RSRC1: variants seen among roughly 807,000 people sequenced by gnomAD.
RSRC1 encodes the protein serine/Arginine-related protein 53.
RSRC1 carries 39 observed loss-of-function variants against 49.1 expected under a neutral mutation model. That is an observed-to-expected ratio of 0.79 (90% confidence interval 0.61 to 1.04). RSRC1 has a LOEUF of 1.04. Ranked by LOEUF, RSRC1 falls within the 50% of genes least tolerant of loss-of-function variation. The pLI is 0.00. For synonymous variants in RSRC1, 143 were observed against 130.8 expected (o/e 1.09, Z -0.63); for missense variants, 388 against 402.4 (o/e 0.96, Z 0.31).
chr3:158,257,279 GTTC>G (rs1270860347), intron 4 of RSRC1, among the ~76,000 whole-genome samples: 1 of 151,886 alleles, frequency 6.6e-6, no homozygotes, highest in Non-Finnish European at 1.5e-5. Flanking sequence ...TGGTGTCTTT[GTTC>G]TTATTTGTTT....
chr3:158,197,496 C>T lies in RSRC1; in HGVS notation c.321-5576C>T, dbSNP rs548692960. ...TTTTGAAGGGATTTTTTGTCTCTAT[C>T]TCCTTCAGTTCTGCTCTGATGTTAG... On this transcript the variant is annotated intron_variant, in intron 3 of 9. Coordinates refer to ENST00000611884, the MANE Select transcript of RSRC1 (RefSeq NM_001271838.2). Among the ~76,000 whole-genome samples, 363 of 152,154 alleles carry T rather than the reference C, an allele frequency of 2.4e-3. 1 individual carries two copies. The highest frequency in any genetic ancestry group is 8.1e-3 in the African/African-American group (337 of 41,528).
chr3:158,119,206 G>C (rs916881421), intron 1 of RSRC1, among the ~76,000 whole-genome samples: 1 of 152,074 alleles, frequency 6.6e-6, no homozygotes. Flanking sequence ...CATTGTGCCT[G>C]CTCTGGTATC....
At chr3:158,127,971 T>C (rs1270301724) in intron 3 of RSRC1, among the ~76,000 whole-genome samples, 1 of 152,168 alleles carries the variant, frequency 6.6e-6, no homozygotes, top group African/African-American at 2.4e-5. Flanking sequence ...AAGCATGTAC[T>C]TCACTCTTCT....
At chr3:158,408,865 T>A (rs930240866) in intron 6 of RSRC1, among the ~76,000 whole-genome samples, 1 of 151,956 alleles carries the variant, frequency 6.6e-6, no homozygotes, top group Non-Finnish European at 1.5e-5. Flanking sequence ...GACCCCCGTC[T>A]CTACTAAAAA....
intron 7 of RSRC1, among the ~76,000 whole-genome samples, chr3:158,468,264 G>C (rs1379622117): frequency 1.3e-5 from 2 of 152,100 alleles, no homozygotes; most frequent in African/African-American, 4.8e-5. Context: ...TACATTTCAT[G>C]ATCTTTTTCA....
At chr3:158,231,054 A>T (rs1002720696) in intron 4 of RSRC1, among the ~76,000 whole-genome samples, 17 of 151,618 alleles carry the variant, frequency 1.1e-4, no homozygotes, top group Non-Finnish European at 1.9e-4. Flanking sequence ...TTAGCACACT[A>T]TAGAAATGCT....
chr3:158,301,854 A>C (rs1429579249), intron 5 of RSRC1, among the ~76,000 whole-genome samples: 1 of 152,152 alleles, frequency 6.6e-6, no homozygotes, highest in African/African-American at 2.4e-5. Flanking sequence ...TCAAAATTAT[A>C]CACAGTGGTA....
At chr3:158,347,444 G>T (rs950372867) in intron 5 of RSRC1, among the ~76,000 whole-genome samples, 3 of 152,106 alleles carry the variant, frequency 2.0e-5, no homozygotes, top group African/African-American at 7.2e-5. Context: ...CTTACAAGTA[G>T]GTTAAAGGTT....
chr3:158,441,700 A>G (rs1736388219), intron 6 of RSRC1, among the ~76,000 whole-genome samples: 1 of 152,172 alleles, frequency 6.6e-6, no homozygotes, highest in Non-Finnish European at 1.5e-5. Context: ...AATACAGTAG[A>G]AGAATTATAA....
Position 158,244,981 on chromosome 3 carries a change from C to T in RSRC1, c.494+41736C>T, listed in dbSNP as rs763866953. On this transcript the variant is annotated intron_variant, in intron 4 of 9. Coordinates refer to ENST00000611884, the MANE Select transcript of RSRC1 (RefSeq NM_001271838.2). ...ATTAATTTTTTCAAAAAACCAGCTC[C>T]TGGATTTGTAGATTTTTCAAAGGTT... Among the ~76,000 whole-genome samples the T allele has an allele frequency of 2.4e-4, 35 of 145,364 alleles. 1 individual carries two copies. Among genetic ancestry groups the T allele is most frequent in the Middle Eastern group, 7.2e-3 (2 of 276 alleles).
chr3:158,252,551 TC>T (rs1262753232), intron 4 of RSRC1, among the ~76,000 whole-genome samples: 1 of 152,206 alleles, frequency 6.6e-6, no homozygotes. Flanking sequence ...TCTGTAGTCT[TC>T]TTTTGATGTG....
At chr3:158,301,458 T>C (rs827167) in intron 5 of RSRC1, among the ~76,000 whole-genome samples, 105,018 of 151,918 alleles carry the variant, frequency 0.69, 36,739 homozygotes, top group East Asian at 0.85. Context: ...AGGTTATTGT[T>C]AGTTACTTCC....
intron 3 of RSRC1, among the ~76,000 whole-genome samples, chr3:158,158,972 TCA>T (rs1394424937): frequency 6.6e-6 from 1 of 151,426 alleles, no homozygotes; most frequent in Non-Finnish European, 1.5e-5. Flanking sequence ...GTGTTTTTCC[TCA>T]CAAAAAATAG....
At chr3:158,327,580 C>T (rs1729240096) in intron 5 of RSRC1, among the ~76,000 whole-genome samples, 2 of 152,090 alleles carry the variant, frequency 1.3e-5, no homozygotes, top group South Asian at 2.1e-4. Context: ...AGTTTGATTG[C>T]ACTGTGGTCT....
rs150285813 is a variant in RSRC1 at position 158,351,298 on chromosome 3, A to G, written c.532-3559A>G. On this transcript the variant is annotated intron_variant, in intron 5 of 9. Coordinates refer to ENST00000611884, the MANE Select transcript of RSRC1 (RefSeq NM_001271838.2). Reference sequence around the variant, plus strand: ...AAAAAGACGACAGCCCAAGAATCCTATATTCATTCAACTTATTCACCAGTC... The same window carrying G: ...AAAAAGACGACAGCCCAAGAATCCTGTATTCATTCAACTTATTCACCAGTC... 4.8e-3 allele frequency among the ~76,000 whole-genome samples: 732 copies of G among 152,348 alleles called. 6 individuals are homozygous for G. Among genetic ancestry groups the G allele is most frequent in the African/African-American group, 0.017 (710 of 41,582 alleles).
chr3:158,249,840 TTTG>T (rs1724108395), intron 4 of RSRC1, among the ~76,000 whole-genome samples: 1 of 152,156 alleles, frequency 6.6e-6, no homozygotes, highest in Non-Finnish European at 1.5e-5. Context: ...AATTATACTT[TTTG>T]TTATTTTTGA....
At position 158,371,646 on chromosome 3, in the gene RSRC1, A is replaced by G. The variant is rs749326538; in HGVS notation, c.583+16738A>G. On this transcript the variant is annotated intron_variant, in intron 6 of 9. Transcript: ENST00000611884. The stretch of plus-strand genomic sequence containing the variant: ...ATGCTGTTGTTTCTAATTTGAGGCA[A>G]TTATGAAATAAACCATTATAACTTT... Among the ~76,000 whole-genome samples the G allele has an allele frequency of 3.9e-5, 6 of 151,900 alleles. No homozygotes were observed. The East Asian group carries it at 9.6e-4, about 24-fold the overall frequency.
intron 3 of RSRC1, among the ~76,000 whole-genome samples, chr3:158,131,018 C>T (rs1366347962): frequency 6.6e-6 from 1 of 152,028 alleles, no homozygotes; most frequent in South Asian, 2.1e-4. Context: ...GGATCTACTT[C>T]TATGCTGAAG....
chr3:158,484,898 AAT>A (rs1467312021), intron 7 of RSRC1, among the ~76,000 whole-genome samples: 4 of 152,092 alleles, frequency 2.6e-5, no homozygotes, highest in Non-Finnish European at 5.9e-5. Context: ...ATAGCAGGAA[AAT>A]ATGTTTGCTA....
Sources: allele counts gnomAD v4.1 joint callset (sites outside exome capture counted in the v4.1 genomes callset), GRCh38; gene constraint gnomAD v4.1.1; transcripts MANE v1.5; gene names NCBI Gene and HGNC (gene_info 2026-07-23, HGNC 2026-07-21).